HABP2: variants seen among roughly 807,000 people sequenced by gnomAD.
HABP2 encodes the protein factor VII-activating protease.
HABP2 carries 65 observed loss-of-function variants against 66.5 expected under a neutral mutation model. That is an observed-to-expected ratio of 0.98 (90% confidence interval 0.80 to 1.20). The LOEUF is 1.20. HABP2 is among the 50% of genes most tolerant of loss of function. The pLI is 0.00. For synonymous variants in HABP2, 263 were observed against 253.9 expected (o/e 1.04, Z -0.34); for missense variants, 786 against 691.0 (o/e 1.14, Z -1.54).
At chr10:113,586,031 T>A in intron 12 of HABP2, 93 bp downstream of exon 12, 1 of 1,126,228 alleles carries the variant, frequency 8.9e-7, no homozygotes, top group Non-Finnish European at 1.3e-6. Flanking sequence ...GGGAGCTAGG[T>A]TCAGAGGTCC....
chr10:113,554,173 T>C (rs1844949504), intron 1 of HABP2, among the ~76,000 whole-genome samples: 1 of 152,196 alleles, frequency 6.6e-6, no homozygotes, highest in Non-Finnish European at 1.5e-5. Flanking sequence ...TGCAAATAAA[T>C]GTGAGCTCTA....
chr10:113,562,134 T>C (rs1408788237), intron 1 of HABP2, among the ~76,000 whole-genome samples: 1 of 152,184 alleles, frequency 6.6e-6, no homozygotes, highest in Non-Finnish European at 1.5e-5. Context: ...TCTAGAATGG[T>C]CTTGCTAAAT....
Position 113,589,161 on chromosome 10 carries a change from A to C in HABP2, c.*792A>C. Reference sequence around the variant, plus strand: ...GCCCCGGTTCCCACAGGACACGCTAAGAAGCACAGGGAGCATTTAACAGGC... The same window carrying C: ...GCCCCGGTTCCCACAGGACACGCTACGAAGCACAGGGAGCATTTAACAGGC... On this transcript the variant is annotated 3_prime_UTR_variant, in exon 13 of 13. Transcript: ENST00000351270. 1 of 1,128,670 alleles carries C rather than the reference A, an allele frequency of 8.9e-7. No individual in the cohort carries two copies. Among genetic ancestry groups the C allele is most frequent in the Non-Finnish European group, 1.3e-6 (1 of 761,924 alleles). The allele number at this position is 1,128,670 out of a possible 1,614,324, so 69.9% of individuals were successfully genotyped here. A position where few individuals can be genotyped will look rare whatever the true frequency, so the allele number is the denominator to read the frequency against.
intron 9 of HABP2, 87 bp downstream of exon 9, chr10:113,582,218 C>A: frequency 7.4e-7 from 1 of 1,344,502 alleles, no homozygotes; most frequent in South Asian, 1.4e-5. Flanking sequence ...CTTTGTAGCT[C>A]TGTCAGGATT....
intron 2 of HABP2, chr10:113,572,791 C>T (rs887792571): frequency 2.3e-6 from 1 of 433,516 alleles, no homozygotes; most frequent in African/African-American, 2.0e-5. Context: ...AAATAATGAG[C>T]AAGCCAAGGG....
In HABP2 at chr10:113,585,303, C is replaced by G. The variant is rs1845612932; in HGVS notation, c.1373-490C>G. Among the ~76,000 whole-genome samples the G allele has an allele frequency of 2.6e-5, 4 of 152,280 alleles. No individual in the cohort carries two copies. In the South Asian group the frequency reaches 8.3e-4, roughly 32 times the overall value. On this transcript the variant is annotated intron_variant, in intron 11 of 12. Transcript: ENST00000351270. ...AATTATTTTGCTTTTCATAAACAGG[C>G]TTCTAAGACTTTATGTTCAAAGCCT...
At chr10:113,562,748 A>T (rs1845123483) in intron 1 of HABP2, among the ~76,000 whole-genome samples, 1 of 152,220 alleles carries the variant, frequency 6.6e-6, no homozygotes, top group South Asian at 2.1e-4. Context: ...CCCGGCCCAC[A>T]GATAAGCCTT....
At position 113,588,250 on chromosome 10, in the gene HABP2, T is replaced by C; in HGVS notation, c.1564T>C (p.Tyr522His). ...PLTCEKDGTYYVYGIVSWGLE... is the reference protein window; with the variant it reads ...PLTCEKDGTYHVYGIVSWGLE... The stretch of plus-strand genomic sequence containing the variant: ...GACCTGTGAGAAGGACGGCACCTAC[T>C]ACGTCTATGGGATAGTGAGCTGGGG... Residue 522 changes from tyrosine (Y) to histidine (H), a missense_variant, in exon 13 of 13, where the codon TAC (tyrosine) becomes CAC (histidine). By Grantham distance (83) the Tyr-to-His change is moderately conservative. Coordinates refer to ENST00000351270, the MANE Select transcript of HABP2 (RefSeq NM_004132.5). 6.2e-7 allele frequency: 1 copy of C among 1,613,416 alleles called. No homozygotes were observed. Among genetic ancestry groups the C allele is most frequent in the South Asian group, 1.1e-5 (1 of 90,948 alleles).
chr10:113,589,503 G>GTCA lies in HABP2; in HGVS notation c.*1137_*1139dup, dbSNP rs1845810092. ...GTTTAACCTGCGTGTCATCTGCCTG[G>GTCA]TCATCTCAGACCCATGAAATTAGGC... On this transcript the variant is annotated 3_prime_UTR_variant, in exon 13 of 13. Coordinates refer to ENST00000351270, the MANE Select transcript of HABP2 (RefSeq NM_004132.5). 1.3e-6 allele frequency: 1 copy of GTCA among 756,708 alleles called. No individual in the cohort carries two copies. 46.9% of individuals were successfully genotyped at this position (756,708 alleles called of 1,614,324 possible).
chr10:113,562,570 G>T (rs1000029046), intron 1 of HABP2, among the ~76,000 whole-genome samples: 9 of 150,462 alleles, frequency 6.0e-5, no homozygotes, highest in South Asian at 4.2e-4. Context: ...TCAGCCACCC[G>T]AGTAGCTGGG....
At chr10:113,577,476 A>C (rs920163418) in intron 5 of HABP2, among the ~76,000 whole-genome samples, 2 of 152,316 alleles carry the variant, frequency 1.3e-5, no homozygotes, top group South Asian at 4.1e-4. Context: ...CCCAAAAAGA[A>C]TCATCTTGAA....
chr10:113,553,040 G>T, upstream of HABP2: 3 of 946,098 alleles, frequency 3.2e-6, no homozygotes, highest in Non-Finnish European at 5.2e-6. Flanking sequence ...AATCCTTGGA[G>T]ACTGACATTT....
At chr10:113,580,152 A>C (rs779934251) in intron 7 of HABP2, among the ~76,000 whole-genome samples, 6 of 111,700 alleles carry the variant, frequency 5.4e-5, no homozygotes, top group Non-Finnish European at 1.1e-4. Context: ...CCCTTTGTGG[A>C]GCTGTCTTCG....
intron 12 of HABP2, among the ~76,000 whole-genome samples, chr10:113,587,442 T>C (rs1299714537): frequency 6.6e-6 from 1 of 152,250 alleles, no homozygotes; most frequent in African/African-American, 2.4e-5. Flanking sequence ...TCTTACTGTA[T>C]GGCTTTTATC....
intron 1 of HABP2, 84 bp from the exon 2 acceptor site, chr10:113,567,405 C>T (rs563704499): frequency 1.1e-5 from 11 of 1,037,436 alleles, no homozygotes; most frequent in Non-Finnish European, 1.5e-5. Flanking sequence ...GCACCCCATA[C>T]GATCTCCTCT....
At chr10:113,552,214 AACCTGGATTTATG>A (rs1378825029), upstream of HABP2, among the ~76,000 whole-genome samples, 2 of 152,164 alleles carry the variant, frequency 1.3e-5, no homozygotes, top group Non-Finnish European at 2.9e-5. Context: ...AGCATTTCAA[AACCTGGATTTATG>A]ACTCAAGTCA....
At chr10:113,557,094 C>T (rs1845011336) in intron 1 of HABP2, among the ~76,000 whole-genome samples, 1 of 152,152 alleles carries the variant, frequency 6.6e-6, no homozygotes, top group African/African-American at 2.4e-5. Flanking sequence ...GGCTCAGCAT[C>T]CGATTAATTC....
chr10:113,556,055 C>A (rs896505802), intron 1 of HABP2, among the ~76,000 whole-genome samples: 23 of 89,666 alleles, frequency 2.6e-4, no homozygotes, highest in Non-Finnish European at 2.2e-4. Context: ...TTCTCCTCTC[C>A]CCTGCAAAGG....
chr10:113,581,649 A>G (rs1452626609), intron 8 of HABP2, among the ~76,000 whole-genome samples: 1 of 152,248 alleles, frequency 6.6e-6, no homozygotes, highest in Non-Finnish European at 1.5e-5. Flanking sequence ...GAAATGGACA[A>G]GAAAAAACTA....
Sources: gnomAD v4.1 joint callset for allele counts (sites outside exome capture counted in the v4.1 genomes callset) on GRCh38, gnomAD v4.1.1 for gene constraint, MANE v1.5 for transcripts, NCBI Gene and HGNC (gene_info 2026-07-23, HGNC 2026-07-21) for gene names.